The following PAAF1 variants were observed in gnomAD, a reference collection of about 807,000 sequenced individuals.
PAAF1 encodes the protein proteasomal ATPase associated factor 1, also known as proteasomal ATPase-associated factor 1.
PAAF1 carries 46 observed loss-of-function variants against 52.8 expected under a neutral mutation model. The observed-to-expected ratio is 0.87, with a 90% CI of 0.69 to 1.11. The LOEUF (loss-of-function observed/expected upper bound fraction) is 1.11. Ranked by LOEUF, PAAF1 falls within the 50% of genes most tolerant of loss-of-function variation. The probability of loss-of-function intolerance (pLI) is 0.00; values close to 1 mark genes in which losing one functional copy is unlikely to be tolerated. For synonymous variants in PAAF1, 178 were observed against 172.8 expected, an observed-to-expected ratio of 1.03 and a Z score of -0.24; for missense variants, 424 against 477.4, an observed-to-expected ratio of 0.89 and a Z score of 1.04.
At position 73,918,927 on chromosome 11, in the gene PAAF1, TTTCCC is replaced by T; in HGVS notation, c.936-22_936-18del. ...TTGCTTTTGAAGAAAGAAAGTAAAA[TTTCCC>T]CTTTCTCTGAATCCTAGGGCTCCGG... On this transcript the variant is annotated intron_variant, in intron 9 of 11. Coordinates refer to ENST00000310571, the MANE Select transcript of PAAF1 (RefSeq NM_025155.3). The T allele has an allele frequency of 6.3e-7, 1 of 1,594,196 alleles. No homozygotes were observed. The highest frequency in any genetic ancestry group is 8.6e-7 in the Non-Finnish European group (1 of 1,162,984).
intron 2 of PAAF1, among the ~76,000 whole-genome samples, chr11:73,883,312 T>A (rs1486118899): frequency 6.6e-6 from 1 of 152,182 alleles, no homozygotes; most frequent in Non-Finnish European, 1.5e-5. Flanking sequence ...GTGCTATCTA[T>A]GTGCTAGTTA....
chr11:73,922,571 A>T (rs1448484663), intron 10 of PAAF1, among the ~76,000 whole-genome samples: 2 of 152,088 alleles, frequency 1.3e-5, no homozygotes, highest in African/African-American at 2.4e-5. Flanking sequence ...TAATCCCAGC[A>T]CTTTCGGAGG....
rs573706615 is a variant in PAAF1 at position 73,908,415 on chromosome 11, G to GTA, written c.533-972_533-971dup. On this transcript the variant is annotated intron_variant, in intron 6 of 11. Transcript: ENST00000310571. ...TATATATATGTGTATATATATGTGT[G>GTA]TATATATATATATGGGTCTTGCTCC... Among the ~76,000 whole-genome samples, 1,359 of 137,036 alleles carry GTA rather than the reference G, an allele frequency of 9.9e-3. 18 individuals are homozygous for GTA. The highest frequency in any genetic ancestry group is 0.024 in the Middle Eastern group (6 of 252). The allele number at this position is 137,036 out of a possible 152,430, so 89.9% of individuals were successfully genotyped here. A position where few individuals can be genotyped will look rare whatever the true frequency, so the allele number is the denominator to read the frequency against.
In PAAF1 at chr11:73,896,117, A is replaced by C. The variant is rs2135158721; in HGVS notation, c.283-3029A>C. Reference sequence around the variant, plus strand: ...GAGTGAGACCCTGTCTTTAAAAAAAACACAAAAACTATAAAAGTGAGTTTG... The same window carrying C: ...GAGTGAGACCCTGTCTTTAAAAAAACCACAAAAACTATAAAAGTGAGTTTG... On this transcript the variant is annotated intron_variant, in intron 4 of 11. Transcript: ENST00000310571. 1.3e-5 allele frequency among the ~76,000 whole-genome samples: 2 copies of C among 152,288 alleles called. 1 individual carries two copies. Among genetic ancestry groups the C allele is most frequent in the Middle Eastern group, 6.8e-3 (2 of 294 alleles).
intron 1 of PAAF1, among the ~76,000 whole-genome samples, chr11:73,877,848 T>G (rs769196752): frequency 3.3e-5 from 5 of 152,142 alleles, no homozygotes; most frequent in Non-Finnish European, 7.4e-5. Context: ...ATTGCACCAC[T>G]GCACTCCAGC....
intron 6 of PAAF1, among the ~76,000 whole-genome samples, chr11:73,906,021 G>A (rs1192249097): frequency 6.6e-6 from 1 of 152,144 alleles, no homozygotes; most frequent in Non-Finnish European, 1.5e-5. Flanking sequence ...TTTGCTGAAT[G>A]TATTATGGAG....
At chr11:73,893,840 C>G (rs1254620138) in intron 4 of PAAF1, among the ~76,000 whole-genome samples, 10 of 151,888 alleles carry the variant, frequency 6.6e-5, no homozygotes, top group Admixed American at 6.6e-4. Flanking sequence ...AGGAGAATCA[C>G]TTGAGCCCAA....
chr11:73,898,348 A>G (rs1472129773), intron 4 of PAAF1, among the ~76,000 whole-genome samples: 2 of 152,068 alleles, frequency 1.3e-5, no homozygotes, highest in African/African-American at 4.8e-5. Flanking sequence ...GAATTAGGAG[A>G]GGTATCTTAA....
At chr11:73,883,973 T>C (rs894529601) in intron 2 of PAAF1, among the ~76,000 whole-genome samples, 6 of 152,174 alleles carry the variant, frequency 3.9e-5, no homozygotes, top group African/African-American at 1.4e-4. Context: ...GATGGCAGGA[T>C]AGATGGCATG....
chr11:73,893,964 A>C (rs1209842428), intron 4 of PAAF1, among the ~76,000 whole-genome samples: 2 of 151,960 alleles, frequency 1.3e-5, no homozygotes, highest in African/African-American at 2.4e-5. Flanking sequence ...CTGGCTTAAA[A>C]ATTTTTATTC....
At chr11:73,903,223 C>A (rs139905714) in intron 6 of PAAF1, among the ~76,000 whole-genome samples, 1 of 152,182 alleles carries the variant, frequency 6.6e-6, no homozygotes, top group Non-Finnish European at 1.5e-5. Context: ...CACAAAGGCT[C>A]CTTTCCAGTT....
chr11:73,902,324 A>T (rs116541145), intron 6 of PAAF1, among the ~76,000 whole-genome samples: 7 of 152,350 alleles, frequency 4.6e-5, no homozygotes, highest in African/African-American at 1.7e-4. Context: ...AGCCTTCCTT[A>T]CATTACTGAA....
In PAAF1 at chr11:73,887,342, T is replaced by C. The variant is rs1433007039; in HGVS notation, c.89-12T>C. The C allele has an allele frequency of 1.3e-6, 2 of 1,582,800 alleles. No homozygotes were observed. The highest frequency in any genetic ancestry group is 8.6e-7 in the Non-Finnish European group (1 of 1,164,334). On this transcript the variant is annotated splice_polypyrimidine_tract_variant and intron_variant, in intron 2 of 11. Coordinates refer to ENST00000310571, the MANE Select transcript of PAAF1 (RefSeq NM_025155.3). ...CTTATTTTTTGAGACATGCTTCTTTTGTACCATATAGGGAAACCATCTTTG... is the reference window on the plus strand; with the variant it reads ...CTTATTTTTTGAGACATGCTTCTTTCGTACCATATAGGGAAACCATCTTTG...
intron 10 of PAAF1, chr11:73,922,319 C>A: frequency 1.8e-5 from 7 of 389,514 alleles, no homozygotes; most frequent in South Asian, 2.6e-5. Flanking sequence ...AAGATTATAA[C>A]TCTGTTTTCA....
chr11:73,912,093 T>A (rs567923335), intron 7 of PAAF1, among the ~76,000 whole-genome samples: 2 of 152,324 alleles, frequency 1.3e-5, no homozygotes, highest in East Asian at 3.9e-4. Context: ...TTTCATTGAC[T>A]GCTACTTCTT....
chr11:73,918,930 C>G lies in PAAF1; in HGVS notation c.936-20C>G. 6.3e-7 allele frequency: 1 copy of G among 1,598,660 alleles called. No individual in the cohort carries two copies. Among genetic ancestry groups the G allele is most frequent in the Non-Finnish European group, 8.6e-7 (1 of 1,167,000 alleles). ...CTTTTGAAGAAAGAAAGTAAAATTT[C>G]CCCTTTCTCTGAATCCTAGGGCTCC... On this transcript the variant is annotated intron_variant, in intron 9 of 11. Coordinates refer to ENST00000310571, the MANE Select transcript of PAAF1 (RefSeq NM_025155.3).
chr11:73,885,359 G>A (rs2135133576), intron 2 of PAAF1, among the ~76,000 whole-genome samples: 1 of 151,566 alleles, frequency 6.6e-6, no homozygotes, highest in East Asian at 2.0e-4. Flanking sequence ...GGCCAGGCTG[G>A]TCTTGAACTC....
rs549831885 is a variant in PAAF1 at position 73,913,708 on chromosome 11, A to G, written c.728-705A>G. On this transcript the variant is annotated intron_variant, in intron 7 of 11. Coordinates refer to ENST00000310571, the MANE Select transcript of PAAF1 (RefSeq NM_025155.3). ...AGATGAGGGTAAAAAAAGAAAAAAA[A>G]AAAGAAAAAAAGAATAGTGCCTGAT... 2.0e-4 allele frequency among the ~76,000 whole-genome samples: 30 copies of G among 151,970 alleles called. No individual in the cohort carries two copies. In the East Asian group the frequency reaches 3.5e-3, roughly 18 times the overall value.
At chr11:73,907,738 C>T (rs1375473215) in intron 6 of PAAF1, among the ~76,000 whole-genome samples, 1 of 152,152 alleles carries the variant, frequency 6.6e-6, no homozygotes, top group African/African-American at 2.4e-5. Context: ...CCACTGAAAC[C>T]ATGGGGGAGG....
Sources: gnomAD v4.1 joint callset for allele counts (sites outside exome capture counted in the v4.1 genomes callset) on GRCh38, gnomAD v4.1.1 for gene constraint, MANE v1.5 for transcripts, NCBI Gene and HGNC (gene_info 2026-07-23, HGNC 2026-07-21) for gene names.